DEPTOR: variants seen among roughly 807,000 people sequenced by gnomAD.
DEPTOR encodes DEP domain-containing mTOR-interacting protein.
DEPTOR carries 41 observed loss-of-function variants against 41.6 expected under a neutral mutation model. That is an observed-to-expected ratio of 0.98 (90% confidence interval 0.77 to 1.28). The LOEUF (loss-of-function observed/expected upper bound fraction) is 1.28. Among genes scored for constraint, DEPTOR ranks in the 50% most tolerant of loss-of-function variants. The pLI, the probability that DEPTOR is intolerant of heterozygous loss-of-function variation, is 0.00. For missense variants in DEPTOR, 514 were observed against 527.9 expected (o/e 0.97, Z 0.26); for synonymous variants, 195 against 192.3 (o/e 1.01, Z -0.12).
intron 4 of DEPTOR, among the ~76,000 whole-genome samples, chr8:119,967,005 T>G (rs1828570586): frequency 6.6e-6 from 1 of 152,170 alleles, no homozygotes; most frequent in African/African-American, 2.4e-5. Context: ...CTTTTTGGCC[T>G]CTCTGCAGCA....
intron 1 of DEPTOR, among the ~76,000 whole-genome samples, chr8:119,911,064 T>C (rs1351571669): frequency 3.9e-5 from 6 of 152,280 alleles, no homozygotes; most frequent in Middle Eastern, 3.4e-3. Flanking sequence ...CCTCCACCCA[T>C]TGCCTCACAG....
At chr8:119,882,930 C>T (rs1223548358) in intron 1 of DEPTOR, among the ~76,000 whole-genome samples, 3 of 152,132 alleles carry the variant, frequency 2.0e-5, no homozygotes, top group African/African-American at 7.2e-5. Flanking sequence ...TCAGCCTTAA[C>T]TAAACTTAGA....
intron 8 of DEPTOR, among the ~76,000 whole-genome samples, chr8:120,041,589 G>A (rs1033283163): frequency 6.6e-6 from 1 of 152,098 alleles, no homozygotes; most frequent in Non-Finnish European, 1.5e-5. Flanking sequence ...CCAGGCTGGA[G>A]TGCAGTGGCG....
At chr8:119,969,772 A>G (rs1358589753) in intron 4 of DEPTOR, 3 of 152,206 alleles carry the variant, frequency 2.0e-5, no homozygotes, top group Non-Finnish European at 2.9e-5. Flanking sequence ...TAATTCATTG[A>G]TAGGTCACAG....
At chr8:119,894,388 A>ATTTATTTATTTATTTG in intron 1 of DEPTOR, among the ~76,000 whole-genome samples, 1 of 147,702 alleles carries the variant, frequency 6.8e-6, no homozygotes, top group Admixed American at 6.9e-5. Context: ...GTTCTTTTTT[A>ATTTATTTATTTATTTG]TTTATTTATT....
rs141807460 is a variant in DEPTOR, at chr8:120,009,245, A to G, written c.1101+112A>G. ...CCCATCTTATTTTGTGTCCTTTTCT[A>G]TTTCTGCCCTCTCTTTCTTGTTCTC... On this transcript the variant is annotated intron_variant, in intron 8 of 8. Transcript: ENST00000286234. The G allele has an allele frequency of 4.3e-4, 376 of 880,888 alleles. 4 individuals carry two copies. The East Asian group carries it at 1.0e-2, about 23-fold the overall frequency. 54.6% of individuals were successfully genotyped at this position (880,888 alleles called of 1,614,324 possible).
intron 1 of DEPTOR, among the ~76,000 whole-genome samples, chr8:119,918,220 G>T (rs954698719): frequency 4.6e-5 from 7 of 151,760 alleles, no homozygotes; most frequent in Admixed American, 4.6e-4. Flanking sequence ...TCCACCTAAC[G>T]AGAAAAACCC....
At chr8:119,918,454 A>G (rs1374168907) in intron 1 of DEPTOR, among the ~76,000 whole-genome samples, 4 of 93,276 alleles carry the variant, frequency 4.3e-5, no homozygotes, top group Non-Finnish European at 6.7e-5. Flanking sequence ...TTATTTATTT[A>G]TTTATTTATT....
chr8:119,895,159 A>G (rs1329724797), intron 1 of DEPTOR, among the ~76,000 whole-genome samples: 2 of 152,170 alleles, frequency 1.3e-5, no homozygotes, highest in African/African-American at 4.8e-5. Flanking sequence ...GGAAAGTGTA[A>G]GCAATAGTTG....
intron 3 of DEPTOR, among the ~76,000 whole-genome samples, chr8:119,938,207 A>C (rs1450553137): frequency 6.6e-6 from 1 of 152,104 alleles, no homozygotes; most frequent in Non-Finnish European, 1.5e-5. Flanking sequence ...CAATCCTCTT[A>C]TTTCTTTATT....
intron 1 of DEPTOR, among the ~76,000 whole-genome samples, chr8:119,919,955 T>C (rs1827868582): frequency 6.6e-6 from 1 of 152,186 alleles, no homozygotes; most frequent in African/African-American, 2.4e-5. Context: ...CACCCAGTAA[T>C]GTTTGTTCTC....
intron 5 of DEPTOR, among the ~76,000 whole-genome samples, 186 bp from the exon 6 acceptor site, chr8:120,002,791 A>ATATATATATATATAT (rs1554584639): frequency 8.6e-4 from 52 of 60,644 alleles, no homozygotes; most frequent in African/African-American, 3.9e-3. Context: ...AAAAAAAAAA[A>ATATATATATATATAT]ATATATATAT....
intron 8 of DEPTOR, among the ~76,000 whole-genome samples, chr8:120,038,628 A>G (rs1813014713): frequency 2.6e-5 from 4 of 151,804 alleles, no homozygotes; most frequent in African/African-American, 7.3e-5. Context: ...AAATAAATAA[A>G]CAAATAATAA....
chr8:119,963,915 T>A (rs1828522811), intron 3 of DEPTOR, among the ~76,000 whole-genome samples: 1 of 152,176 alleles, frequency 6.6e-6, no homozygotes, highest in South Asian at 2.1e-4. Context: ...GCTGAGTAGC[T>A]TAAACAACAA....
intron 8 of DEPTOR, among the ~76,000 whole-genome samples, chr8:120,028,688 C>T (rs184572081): frequency 1.8e-4 from 28 of 151,742 alleles, no homozygotes; most frequent in African/African-American, 6.5e-4. Context: ...GTTTCGAACT[C>T]CTGACCTCAA....
chr8:119,890,279 T>TTTG (rs1554671050), intron 1 of DEPTOR, among the ~76,000 whole-genome samples: 16,795 of 150,234 alleles, frequency 0.11, 1,020 homozygotes, highest in South Asian at 0.2. Flanking sequence ...ATATGAGTTT[T>TTTG]TTTGTTTGTT....
intron 4 of DEPTOR, among the ~76,000 whole-genome samples, chr8:119,972,622 C>CAAAAAAAAAAAAAAAAAAAAAAAAAAA (rs59750717): frequency 7.2e-6 from 1 of 138,346 alleles, no homozygotes. Flanking sequence ...GACTCTGTCT[C>CAAAAAAAAAAAAAAAAAAAAAAAAAAA]AAAAAAAAAA....
rs1563966302 is a variant in DEPTOR, at chr8:119,921,763, TG to T, written c.123-6636del. The stretch of plus-strand genomic sequence containing the variant: ...CTATTCTGTAGTTTTTTTTTTTGTT[TG>T]TTTGTTTGTTTTTTGAAACAGGGTC... On this transcript the variant is annotated intron_variant, in intron 1 of 8. Transcript: ENST00000286234. Among the ~76,000 whole-genome samples the T allele has an allele frequency of 1.2e-3, 177 of 145,150 alleles. 11 individuals are homozygous for T. Among genetic ancestry groups the T allele is most frequent in the African/African-American group, 2.9e-3 (107 of 36,680 alleles).
At chr8:119,910,271 A>T (rs578006725) in intron 1 of DEPTOR, among the ~76,000 whole-genome samples, 1 of 152,236 alleles carries the variant, frequency 6.6e-6, no homozygotes, top group South Asian at 2.1e-4. Context: ...CAATATACAG[A>T]TTACCAGAAG....
Sources: allele counts gnomAD v4.1 joint callset (sites outside exome capture counted in the v4.1 genomes callset), GRCh38; gene constraint gnomAD v4.1.1; transcripts MANE v1.5; gene names NCBI Gene and HGNC (gene_info 2026-07-23, HGNC 2026-07-21).